IGSF11: variants seen among roughly 807,000 people sequenced by gnomAD.
IGSF11 encodes immunoglobulin superfamily member 11, also known as CXADR like 1.
Under a neutral mutation model 41.0 loss-of-function variants are expected in IGSF11, and 22 were observed. The observed-to-expected ratio is 0.54, with a 90% CI of 0.38 to 0.77. IGSF11 has a LOEUF of 0.77. Ranked by LOEUF, IGSF11 falls within the 30% of genes least tolerant of loss-of-function variation. IGSF11 has a pLI of 0.00. For missense variants in IGSF11, 444 were observed against 530.8 expected (o/e 0.84, Z 1.61); for synonymous variants, 219 against 201.3 (o/e 1.09, Z -0.74).
chr3:118,944,898 C>A (rs542443642), intron 1 of IGSF11: 1 of 152,246 alleles, frequency 6.6e-6, no homozygotes, highest in East Asian at 1.9e-4. Flanking sequence ...AACTGGGATT[C>A]AAAACAATGT....
intron 1 of IGSF11, among the ~76,000 whole-genome samples, chr3:119,072,792 A>C (rs2076421867): frequency 6.6e-6 from 1 of 152,194 alleles, no homozygotes; most frequent in Non-Finnish European, 1.5e-5. Context: ...GCAAAAGAAC[A>C]AAGCTTCCAC....
chr3:119,138,130 T>C lies in IGSF11; in HGVS notation c.-14+7683A>G, dbSNP rs578193559. Among the ~76,000 whole-genome samples the C allele has an allele frequency of 2.1e-5, 3 of 142,694 alleles. No homozygotes were observed. In the South Asian group the frequency reaches 6.8e-4, roughly 32 times the overall value. 93.6% of individuals were successfully genotyped at this position (142,694 alleles called of 152,430 possible). ...TGGTGAGAATGTAAATTATTTTCAC[T>C]ATGGAGAAAAGTTTGGAGGTTCCTC... On this transcript the variant is annotated intron_variant, in intron 1 of 7. Coordinates refer to the IGSF11 transcript ENST00000425327.
intron 1 of IGSF11, among the ~76,000 whole-genome samples, chr3:118,958,268 A>T (rs1455747519): frequency 6.6e-6 from 1 of 152,090 alleles, no homozygotes; most frequent in Non-Finnish European, 1.5e-5. Context: ...TCCTTCCATA[A>T]AAGAAGAAAG....
chr3:119,079,360 CA>C (rs1386597758), intron 1 of IGSF11, among the ~76,000 whole-genome samples: 85 of 133,158 alleles, frequency 6.4e-4, no homozygotes, highest in East Asian at 4.8e-3. Context: ...AACTCCGTCT[CA>C]AAAAAAAAAA....
intron 1 of IGSF11, among the ~76,000 whole-genome samples, chr3:119,096,050 A>T (rs2076844729): frequency 6.6e-6 from 1 of 151,754 alleles, no homozygotes; most frequent in Admixed American, 6.6e-5. Context: ...AAACTGTTTT[A>T]TTTATTTATT....
At position 119,020,154 on chromosome 3, in the gene IGSF11, T is replaced by C. The variant is rs143068585; in HGVS notation, c.52+14377A>G. 1.8e-4 allele frequency among the ~76,000 whole-genome samples: 28 copies of C among 152,344 alleles called. No homozygotes were observed. In the East Asian group the frequency reaches 5.2e-3, roughly 28 times the overall value. ...TGTTGTTTATAAGCCACCTAGTCTA[T>C]TGTATTGTGTTACTACGGCCCAAAC... On this transcript the variant is annotated intron_variant, in intron 1 of 6. Transcript: ENST00000393775.
chr3:118,943,421 C>T (rs1943860797), intron 1 of IGSF11, among the ~76,000 whole-genome samples: 1 of 152,088 alleles, frequency 6.6e-6, no homozygotes, highest in Non-Finnish European at 1.5e-5. Context: ...TCAAAAATTT[C>T]AGAAATCATA....
At chr3:119,128,357 GAAAA>G (rs1349045526) in intron 1 of IGSF11, among the ~76,000 whole-genome samples, 2 of 150,970 alleles carry the variant, frequency 1.3e-5, no homozygotes, top group Non-Finnish European at 3.0e-5. Flanking sequence ...AAGAAAGAAA[GAAAA>G]GAAAGAAAGA....
At chr3:118,942,050 C>T (rs1436957103) in intron 1 of IGSF11, among the ~76,000 whole-genome samples, 5 of 152,050 alleles carry the variant, frequency 3.3e-5, no homozygotes, top group South Asian at 2.1e-4. Flanking sequence ...GTGTACATCA[C>T]GGTTATGGTA....
intron 1 of IGSF11, among the ~76,000 whole-genome samples, chr3:119,087,758 C>A (rs2076700083): frequency 6.6e-6 from 1 of 151,376 alleles, no homozygotes; most frequent in Non-Finnish European, 1.5e-5. Context: ...ACCTGTTCCC[C>A]AAAAACCTAT....
Position 118,987,913 on chromosome 3 carries a change from C to T in IGSF11, c.52+46618G>A, listed in dbSNP as rs553992496. On this transcript the variant is annotated intron_variant, in intron 1 of 6. Transcript: ENST00000393775. Reference sequence around the variant, plus strand: ...TGTTTTACACATGCATATGACTGATCACCATTACTCCAACTGGGCTTTATT... The same window carrying T: ...TGTTTTACACATGCATATGACTGATTACCATTACTCCAACTGGGCTTTATT... Among the ~76,000 whole-genome samples the T allele has an allele frequency of 9.8e-5, 15 of 152,318 alleles. No individual in the cohort carries two copies. The East Asian group carries it at 2.9e-3, about 29-fold the overall frequency.
At chr3:119,078,721 C>G (rs550109633) in intron 1 of IGSF11, among the ~76,000 whole-genome samples, 1 of 152,048 alleles carries the variant, frequency 6.6e-6, no homozygotes, top group Non-Finnish European at 1.5e-5. Flanking sequence ...AAAATGGGAC[C>G]TAACAAAACT....
At chr3:118,995,295 G>A (rs1312872944) in intron 1 of IGSF11, among the ~76,000 whole-genome samples, 1 of 152,186 alleles carries the variant, frequency 6.6e-6, no homozygotes, top group East Asian at 1.9e-4. Flanking sequence ...CGAGACGAAA[G>A]AAAGCAAAAA....
intron 2 of IGSF11, 73 bp from the exon 3 acceptor site, chr3:118,928,789 A>G: frequency 2.8e-6 from 3 of 1,082,080 alleles, no homozygotes; most frequent in Non-Finnish European, 4.0e-6. Flanking sequence ...ACTATTTGGT[A>G]GACAGTACCA....
intron 1 of IGSF11, among the ~76,000 whole-genome samples, chr3:119,136,423 A>G (rs527623623): frequency 3.3e-5 from 5 of 152,170 alleles, no homozygotes; most frequent in Non-Finnish European, 5.9e-5. Flanking sequence ...TGTTGCCAAT[A>G]AGAAACACAC....
At position 119,015,143 on chromosome 3, in the gene IGSF11, G is replaced by A. The variant is rs954212851; in HGVS notation, c.52+19388C>T. 3.9e-5 allele frequency among the ~76,000 whole-genome samples: 6 copies of A among 152,006 alleles called. No homozygotes were observed. The South Asian group carries it at 1.0e-3, about 26-fold the overall frequency. ...TAATTGTTGATAAAGCCCCCAAAAC[G>A]GAAGTATAAAACTATCTCCGGAAAT... On this transcript the variant is annotated intron_variant, in intron 1 of 6. Transcript: ENST00000393775.
chr3:119,061,450 G>A (rs929987432), intron 1 of IGSF11, among the ~76,000 whole-genome samples: 1 of 152,144 alleles, frequency 6.6e-6, no homozygotes, highest in African/African-American at 2.4e-5. Flanking sequence ...GGCCACTCTT[G>A]ACCAATGTAG....
chr3:119,030,456 T>C (rs1386751228), intron 1 of IGSF11, among the ~76,000 whole-genome samples: 1 of 152,192 alleles, frequency 6.6e-6, no homozygotes, highest in Non-Finnish European at 1.5e-5. Context: ...TTCTGCAATT[T>C]AAAACCATTA....
chr3:119,004,194 G>C (rs555151289), intron 1 of IGSF11, among the ~76,000 whole-genome samples: 24 of 149,862 alleles, frequency 1.6e-4, no homozygotes, highest in Admixed American at 8.6e-4. Flanking sequence ...AGTCTTGGGA[G>C]AGTGTATGTG....
Sources: allele counts gnomAD v4.1 joint callset (sites outside exome capture counted in the v4.1 genomes callset), GRCh38; gene constraint gnomAD v4.1.1; transcripts MANE v1.5; gene names NCBI Gene and HGNC (gene_info 2026-07-23, HGNC 2026-07-21).